The following CNKSR3 variants were observed in gnomAD, a reference collection of about 807,000 sequenced individuals.
CNKSR3 encodes CNKSR family member 3.
A neutral mutation model predicts 67.7 loss-of-function variants in CNKSR3; 36 were observed. That is an observed-to-expected ratio of 0.53 (90% CI 0.41 to 0.70). CNKSR3 has a LOEUF of 0.70. CNKSR3 is among the 30% of genes least tolerant of loss of function. The pLI is 0.00. For synonymous variants in CNKSR3, 281 were observed against 271.4 expected (o/e 1.04, Z -0.35); for missense variants, 630 against 695.2 (o/e 0.91, Z 1.05).
chr6:154,510,447 AG>A lies in CNKSR3; in HGVS notation c.-334del. On this transcript the variant is annotated 5_prime_UTR_variant, in exon 1 of 13. Transcript: ENST00000607772. ...ACCCCTGGCCTCGGCTCGGCACGGGAGCCTCCCGGCCCGCGACCACTTCCTC... is the reference window on the plus strand; with the variant it reads ...ACCCCTGGCCTCGGCTCGGCACGGGACCTCCCGGCCCGCGACCACTTCCTC... 2.7e-6 allele frequency: 1 copy of A among 366,838 alleles called. No homozygotes were observed. Among genetic ancestry groups the A allele is most frequent in the South Asian group, 3.6e-5 (1 of 28,062 alleles). The allele number at this position is 366,838 out of a possible 1,614,324, so 22.7% of individuals were successfully genotyped here.
chr6:154,488,404 A>G (rs1324329980), intron 1 of CNKSR3, among the ~76,000 whole-genome samples: 1 of 152,068 alleles, frequency 6.6e-6, no homozygotes, highest in Non-Finnish European at 1.5e-5. Context: ...ATTAGTTACT[A>G]CTCTTAGGAA....
intron 2 of CNKSR3, among the ~76,000 whole-genome samples, chr6:154,444,853 C>T (rs781484676): frequency 3.9e-5 from 6 of 152,146 alleles, no homozygotes; most frequent in African/African-American, 1.2e-4. Flanking sequence ...GATCCGCCCA[C>T]CTTGGCCTCC....
At chr6:154,429,369 C>T (rs1417085571) in intron 6 of CNKSR3, among the ~76,000 whole-genome samples, 1 of 152,178 alleles carries the variant, frequency 6.6e-6, no homozygotes, top group Non-Finnish European at 1.5e-5. Flanking sequence ...GTTACTTTCA[C>T]TCGCAGATTA....
At chr6:154,499,606 G>A (rs769088480) in intron 1 of CNKSR3, among the ~76,000 whole-genome samples, 20 of 152,260 alleles carry the variant, frequency 1.3e-4, no homozygotes, top group Non-Finnish European at 2.9e-4. Context: ...TCTATTCCAC[G>A]GTGCCAATCT....
chr6:154,415,612 T>C (rs1223576979), intron 9 of CNKSR3, among the ~76,000 whole-genome samples: 1 of 152,174 alleles, frequency 6.6e-6, no homozygotes, highest in Non-Finnish European at 1.5e-5. Flanking sequence ...GGGACAAGGA[T>C]AGCACCAACA....
intron 1 of CNKSR3, among the ~76,000 whole-genome samples, chr6:154,489,885 G>T (rs1160050947): frequency 6.6e-6 from 1 of 152,144 alleles, no homozygotes; most frequent in Non-Finnish European, 1.5e-5. Flanking sequence ...GCAGATCACA[G>T]GTGATAACAC....
chr6:154,428,030 C>T (rs1785289482), intron 7 of CNKSR3, 98 bp downstream of exon 7: 1 of 785,546 alleles, frequency 1.3e-6, no homozygotes, highest in Non-Finnish European at 2.2e-6. Context: ...TCACAATAAT[C>T]AAACAGCATG....
intron 4 of CNKSR3, 45 bp downstream of exon 4, chr6:154,441,247 A>T: frequency 1.1e-6 from 1 of 907,888 alleles, no homozygotes; most frequent in South Asian, 1.8e-5. Flanking sequence ...AAAAGCAAAA[A>T]AAAAAAAAAA....
At chr6:154,420,813 C>T (rs942508584) in intron 9 of CNKSR3, among the ~76,000 whole-genome samples, 4 of 150,818 alleles carry the variant, frequency 2.7e-5, no homozygotes, top group East Asian at 3.9e-4. Context: ...AGGTAATAAA[C>T]GTATTAATGA....
Position 154,404,945 on chromosome 6 carries a change from G to GT in CNKSR3, c.*1408dup, listed in dbSNP as rs1252536023. 1 of 152,202 alleles carries GT rather than the reference G, an allele frequency of 6.6e-6. No homozygotes were observed. Among genetic ancestry groups the GT allele is most frequent in the Non-Finnish European group, 1.5e-5 (1 of 68,030 alleles). 9.4% of individuals were successfully genotyped at this position (152,202 alleles called of 1,614,324 possible). The stretch of plus-strand genomic sequence containing the variant: ...ACCAGAAGCATTTTAAAGGGAAGAT[G>GT]TTTCCTAACTCCAGTGATTTTCATG... On this transcript the variant is annotated 3_prime_UTR_variant, in exon 13 of 13. Coordinates refer to ENST00000607772, the MANE Select transcript of CNKSR3 (RefSeq NM_173515.4).
intron 9 of CNKSR3, among the ~76,000 whole-genome samples, chr6:154,420,759 G>C (rs1785128677): frequency 6.7e-6 from 1 of 148,872 alleles, no homozygotes; most frequent in African/African-American, 2.5e-5. Context: ...TATAACACTT[G>C]TAGATTTTAA....
At chr6:154,421,761 A>G (rs1785148631) in intron 9 of CNKSR3, among the ~76,000 whole-genome samples, 1 of 152,140 alleles carries the variant, frequency 6.6e-6, no homozygotes, top group African/African-American at 2.4e-5. Context: ...GCTGCTGATG[A>G]CTCAACCTCA....
In CNKSR3 at chr6:154,442,229, T is replaced by C. The variant is rs756120871; in HGVS notation, c.278A>G (p.His93Arg). 1.9e-6 allele frequency: 3 copies of C among 1,614,052 alleles called. No individual in the cohort carries two copies. Among genetic ancestry groups the C allele is most frequent in the Admixed American group, 3.3e-5 (2 of 60,008 alleles). Reference protein sequence around the residue: ...NLVLKLRASSHNLQNYISSRR... With the variant: ...NLVLKLRASSRNLQNYISSRR... ...GCTACTTATGTAATTCTGTAAATTG[T>C]GGGAAGATGCTCTCAGTTTCAGAAC... is the stretch of plus-strand genomic sequence containing the variant. The change falls in exon 3 of 13, where the codon CAC (histidine) becomes CGC (arginine). Residue 93 changes from histidine (H) to arginine (R), a missense_variant. His to Arg is a conservative substitution (Grantham distance 29). This residue lies in a region of CNKSR3 where 189 missense variants were observed against 205.0 expected (regional missense o/e 0.92). Transcript: ENST00000607772.
intron 1 of CNKSR3, among the ~76,000 whole-genome samples, chr6:154,462,842 G>A (rs1029094571): frequency 1.3e-4 from 20 of 152,106 alleles, no homozygotes; most frequent in Non-Finnish European, 2.4e-4. Context: ...ATGCTGCAGC[G>A]AGCCCCCTGC....
At chr6:154,461,325 C>T (rs948195160) in intron 1 of CNKSR3, among the ~76,000 whole-genome samples, 8 of 152,110 alleles carry the variant, frequency 5.3e-5, no homozygotes, top group African/African-American at 1.2e-4. Context: ...CAGTTAAGTA[C>T]GTTAATGTGC....
At chr6:154,490,800 A>C (rs1369280338) in intron 1 of CNKSR3, among the ~76,000 whole-genome samples, 2 of 152,128 alleles carry the variant, frequency 1.3e-5, no homozygotes, top group African/African-American at 4.8e-5. Context: ...CTCCTGCCCT[A>C]GACAGAGCTA....
At chr6:154,417,405 C>T (rs2128712876) in intron 9 of CNKSR3, among the ~76,000 whole-genome samples, 1 of 152,308 alleles carries the variant, frequency 6.6e-6, no homozygotes, top group African/African-American at 2.4e-5. Context: ...TTCCTGAGGC[C>T]TTCTGATGTG....
At chr6:154,502,264 T>C (rs1787013589) in intron 1 of CNKSR3, among the ~76,000 whole-genome samples, 1 of 151,714 alleles carries the variant, frequency 6.6e-6, no homozygotes, top group South Asian at 2.1e-4. Context: ...CGATCTCAGC[T>C]CACTGCAACC....
chr6:154,420,971 C>T (rs1214845341), intron 9 of CNKSR3, among the ~76,000 whole-genome samples: 1 of 152,076 alleles, frequency 6.6e-6, no homozygotes, highest in Non-Finnish European at 1.5e-5. Flanking sequence ...TTATGTTCCC[C>T]TCTTGCCCTA....
Sources: allele counts gnomAD v4.1 joint callset (sites outside exome capture counted in the v4.1 genomes callset), GRCh38; gene constraint gnomAD v4.1.1; regional missense constraint gnomAD v4.1.1; transcripts MANE v1.5; gene names NCBI Gene and HGNC (gene_info 2026-07-23, HGNC 2026-07-21).